ZBTB44: variants seen among roughly 807,000 people sequenced by gnomAD.
ZBTB44 encodes zinc finger and BTB domain containing 44.
In ZBTB44, 15 loss-of-function variants were observed where a neutral mutation model predicts 54.0. That is an observed-to-expected ratio of 0.28 (90% confidence interval 0.19 to 0.43). ZBTB44 has a LOEUF of 0.43. ZBTB44 is among the 20% of genes least tolerant of loss of function. The probability of loss-of-function intolerance (pLI) is 1.00; values close to 1 mark genes in which losing one functional copy is unlikely to be tolerated. For synonymous variants in ZBTB44, 230 were observed against 250.1 expected, an observed-to-expected ratio of 0.92 and a Z score of 0.76; for missense variants, 487 against 707.1, an observed-to-expected ratio of 0.69 and a Z score of 3.53.
chr11:130,293,025 C>T (rs1238668770), intron 1 of ZBTB44, among the ~76,000 whole-genome samples: 1 of 152,134 alleles, frequency 6.6e-6, no homozygotes, highest in Non-Finnish European at 1.5e-5. Flanking sequence ...CATGAGAACT[C>T]ATATTTGGGA....
intron 1 of ZBTB44, among the ~76,000 whole-genome samples, chr11:130,293,233 A>T (rs542740934): frequency 1.8e-4 from 28 of 152,032 alleles, no homozygotes; most frequent in African/African-American, 6.3e-4. Flanking sequence ...AGGCCAAGGC[A>T]GGAAGCTCAT....
At chr11:130,268,613 C>T (rs573487103) in intron 1 of ZBTB44, among the ~76,000 whole-genome samples, 10 of 152,182 alleles carry the variant, frequency 6.6e-5, no homozygotes, top group Middle Eastern at 3.4e-3. Flanking sequence ...GAGTCTCACT[C>T]TGTCACCCAG....
intron 1 of ZBTB44, among the ~76,000 whole-genome samples, chr11:130,286,142 C>T (rs567381785): frequency 9.2e-5 from 14 of 152,052 alleles, no homozygotes; most frequent in Admixed American, 5.2e-4. Context: ...CAGACTGAGA[C>T]GAAATCAGGC....
chr11:130,247,220 C>T (rs1449709880), intron 2 of ZBTB44, among the ~76,000 whole-genome samples: 1 of 152,266 alleles, frequency 6.6e-6, no homozygotes, highest in East Asian at 1.9e-4. Context: ...GAGCAACAAA[C>T]TCAACCTGTT....
chr11:130,249,174 A>C (rs1453176242), intron 2 of ZBTB44, among the ~76,000 whole-genome samples: 1 of 152,174 alleles, frequency 6.6e-6, no homozygotes, highest in East Asian at 1.9e-4. Flanking sequence ...GTAAAGGATG[A>C]CTATTTCACA....
chr11:130,295,744 T>G (rs1361716088), intron 1 of ZBTB44: 1 of 1,532,702 alleles, frequency 6.5e-7, no homozygotes, highest in Non-Finnish European at 9.0e-7. Context: ...GGTAAAACCC[T>G]GGCTTTTCTC....
chr11:130,290,371 C>T lies in ZBTB44; in HGVS notation c.-57+24004G>A, dbSNP rs535102556. Among the ~76,000 whole-genome samples, 184 of 152,320 alleles carry T rather than the reference C, an allele frequency of 1.2e-3. 1 individual carries two copies. Among genetic ancestry groups the T allele is most frequent in the Non-Finnish European group, 2.0e-3 (133 of 68,026 alleles). On this transcript the variant is annotated intron_variant, in intron 1 of 7. Coordinates refer to ENST00000357899, the MANE Select transcript of ZBTB44 (RefSeq NM_001301098.2). The stretch of plus-strand genomic sequence containing the variant: ...TCAAGCTTCTGTGAGGAAATTACTT[C>T]GTTGTTTTAAGCCATCTAATTTGTG...
At chr11:130,232,788 C>T (rs1169084540) in intron 7 of ZBTB44, 1 of 152,392 alleles carries the variant, frequency 6.6e-6, no homozygotes, top group Non-Finnish European at 1.5e-5. Flanking sequence ...ATCACTTGGT[C>T]TAGGAGTTCA....
chr11:130,249,397 T>C (rs1487627213), intron 2 of ZBTB44, among the ~76,000 whole-genome samples: 1 of 152,208 alleles, frequency 6.6e-6, no homozygotes, highest in African/African-American at 2.4e-5. Context: ...GGATGTGTGT[T>C]CATGTAAATT....
At chr11:130,243,253 TTCTC>T (rs1954468080) in intron 2 of ZBTB44, among the ~76,000 whole-genome samples, 2 of 152,244 alleles carry the variant, frequency 1.3e-5, no homozygotes, top group Admixed American at 6.5e-5. Flanking sequence ...TTCCTGTTGG[TTCTC>T]TCTCTGCCTT....
intron 1 of ZBTB44, among the ~76,000 whole-genome samples, chr11:130,269,107 T>A (rs1939485447): frequency 6.6e-6 from 1 of 151,036 alleles, no homozygotes; most frequent in South Asian, 2.1e-4. Context: ...CTGGCCAACA[T>A]GGTGAAACCC....
intron 1 of ZBTB44, among the ~76,000 whole-genome samples, chr11:130,298,457 T>G (rs1279973570): frequency 5.0e-5 from 6 of 121,162 alleles, no homozygotes; most frequent in Non-Finnish European, 8.0e-5. Flanking sequence ...AAGTTGAAGT[T>G]TTTTTTTTTT....
At chr11:130,283,942 C>A (rs919782264) in intron 1 of ZBTB44, among the ~76,000 whole-genome samples, 5 of 135,892 alleles carry the variant, frequency 3.7e-5, no homozygotes, top group African/African-American at 1.4e-4. Context: ...TGCACTCTAC[C>A]CTGGGTGACA....
chr11:130,310,505 C>T (rs1157986250), intron 1 of ZBTB44: 2 of 151,690 alleles, frequency 1.3e-5, no homozygotes, highest in South Asian at 2.1e-4. Flanking sequence ...GCATGGAATC[C>T]ACTTCTCTGC....
At chr11:130,252,474 T>C (rs543231246) in intron 2 of ZBTB44, among the ~76,000 whole-genome samples, 1 of 152,200 alleles carries the variant, frequency 6.6e-6, no homozygotes, top group African/African-American at 2.4e-5. Context: ...AGAATATACA[T>C]TCTTCTCAGC....
At chr11:130,270,751 AC>A (rs1335948979) in intron 1 of ZBTB44, among the ~76,000 whole-genome samples, 6 of 152,148 alleles carry the variant, frequency 3.9e-5, no homozygotes, top group Admixed American at 3.3e-4. Context: ...TTTATCTCTA[AC>A]TTTGTTTTCA....
intron 1 of ZBTB44, among the ~76,000 whole-genome samples, chr11:130,264,857 CTGTCAGCAAGTCTACTGG>C (rs1339444953): frequency 2.0e-5 from 3 of 152,310 alleles, no homozygotes; most frequent in East Asian, 3.9e-4. Flanking sequence ...GGCAACCCTG[CTGTCAGCAAGTCTACTGG>C]TGCCACTTTC....
chr11:130,313,964 ATAT>A (rs1376234425), intron 1 of ZBTB44, among the ~76,000 whole-genome samples: 3 of 98,998 alleles, frequency 3.0e-5, no homozygotes, highest in South Asian at 3.3e-4. Context: ...ATATATATAT[ATAT>A]TTTTTTAAAG....
At chr11:130,256,174 C>CATTG (rs1407251057) in intron 2 of ZBTB44, among the ~76,000 whole-genome samples, 1 of 152,170 alleles carries the variant, frequency 6.6e-6, no homozygotes, top group African/African-American at 2.4e-5. Context: ...ACCTGATGAA[C>CATTG]ATTGATGTGA....
Sources: gnomAD v4.1 joint callset for allele counts (sites outside exome capture counted in the v4.1 genomes callset) on GRCh38, gnomAD v4.1.1 for gene constraint, MANE v1.5 for transcripts, NCBI Gene and HGNC (gene_info 2026-07-23, HGNC 2026-07-21) for gene names.